LDLRAD4: variants seen among roughly 807,000 people sequenced by gnomAD.
LDLRAD4 encodes low-density lipoprotein receptor class A domain-containing protein 4.
LDLRAD4 carries 5 observed loss-of-function variants against 17.0 expected under a neutral mutation model. The observed-to-expected ratio is 0.29, with a 90% CI of 0.15 to 0.62. The LOEUF is 0.62. Ranked by LOEUF, LDLRAD4 falls within the 20% of genes least tolerant of loss-of-function variation. LDLRAD4 has a pLI of 0.84. For missense variants in LDLRAD4, 340 were observed against 424.7 expected, an observed-to-expected ratio of 0.80 and a Z score of 1.75; for synonymous variants, 168 against 171.8, an observed-to-expected ratio of 0.98 and a Z score of 0.17.
chr18:13,226,180 C>CTTTTTTTTTTTTTTTTTTTTTTTTTTT (rs71174166), intron 1 of LDLRAD4, among the ~76,000 whole-genome samples: 2 of 52,208 alleles, frequency 3.8e-5, no homozygotes, highest in Non-Finnish European at 3.3e-5. Context: ...CCATGCCTTG[C>CTTTTTTTTTTTTTTTTTTTTTTTTTTT]TTTTTTTTTT....
At chr18:13,590,643 C>G (rs539084064) in intron 3 of LDLRAD4, among the ~76,000 whole-genome samples, 3 of 152,304 alleles carry the variant, frequency 2.0e-5, no homozygotes, top group African/African-American at 7.2e-5. Context: ...TTCTGGCTGA[C>G]AAGGCTACAT....
intron 3 of LDLRAD4, among the ~76,000 whole-genome samples, chr18:13,616,778 AG>A (rs1283710484): frequency 6.6e-6 from 1 of 152,174 alleles, no homozygotes; most frequent in Non-Finnish European, 1.5e-5. Context: ...AGGCCTCATC[AG>A]GCTGCCGCCA....
chr18:13,307,163 A>G (rs575039252), intron 1 of LDLRAD4, among the ~76,000 whole-genome samples: 3 of 152,206 alleles, frequency 2.0e-5, no homozygotes, highest in Non-Finnish European at 4.4e-5. Flanking sequence ...TGAAAAAGCA[A>G]AAAAGGCAGA....
At chr18:13,641,534 T>C (rs2042558143) in intron 4 of LDLRAD4, among the ~76,000 whole-genome samples, 1 of 152,256 alleles carries the variant, frequency 6.6e-6, no homozygotes, top group African/African-American at 2.4e-5. Flanking sequence ...AGGTGCCGCC[T>C]AGGGCAGCGG....
intron 3 of LDLRAD4, among the ~76,000 whole-genome samples, chr18:13,477,353 A>T (rs1317352983): frequency 1.3e-5 from 2 of 152,216 alleles, no homozygotes; most frequent in African/African-American, 4.8e-5. Context: ...CCGAGAAAGC[A>T]TCCAGCAGCA....
At chr18:13,244,216 C>T (rs1306391087) in intron 1 of LDLRAD4, among the ~76,000 whole-genome samples, 1 of 147,330 alleles carries the variant, frequency 6.8e-6, no homozygotes, top group Non-Finnish European at 1.5e-5. Flanking sequence ...TCCACCTACC[C>T]ATCCATTAAT....
In LDLRAD4 at chr18:13,434,575, T is replaced by C. The variant is rs116846525; in HGVS notation, c.41-3669T>C. Among the ~76,000 whole-genome samples, 127 of 152,308 alleles carry C rather than the reference T, an allele frequency of 8.3e-4. No homozygotes were observed. In the East Asian group the frequency reaches 0.012, roughly 14 times the overall value. ...AATAGACAACATATTTTTAAAAATT[T>C]TCCATTGTCTTTCTCTGACTTGAGT... On this transcript the variant is annotated intron_variant, in intron 2 of 5. Coordinates refer to ENST00000359446, the Ensembl canonical transcript of LDLRAD4.
At chr18:13,423,449 C>A (rs774373827) in intron 2 of LDLRAD4, 2 of 151,656 alleles carry the variant, frequency 1.3e-5, no homozygotes, top group African/African-American at 4.9e-5. Context: ...ACCAAGATTG[C>A]GCCATTGCAC....
chr18:13,395,079 C>T (rs73421368), intron 2 of LDLRAD4, among the ~76,000 whole-genome samples: 4,871 of 152,214 alleles, frequency 0.032, 263 homozygotes, highest in African/African-American at 0.11. Context: ...GCCCCGGTCA[C>T]GCCCCAGTTC....
intron 3 of LDLRAD4, among the ~76,000 whole-genome samples, chr18:13,477,794 T>A (rs777046573): frequency 5.9e-5 from 9 of 152,332 alleles, no homozygotes; most frequent in South Asian, 2.1e-4. Context: ...AAGAGGCGTC[T>A]GATGCAGGCC....
At chr18:13,338,417 C>T (rs1248511751) in intron 1 of LDLRAD4, among the ~76,000 whole-genome samples, 1 of 151,592 alleles carries the variant, frequency 6.6e-6, no homozygotes, top group East Asian at 1.9e-4. Context: ...GATCCGAAAA[C>T]AGTTCCTGCT....
At chr18:13,313,588 C>A (rs1044411851) in intron 1 of LDLRAD4, among the ~76,000 whole-genome samples, 1 of 152,252 alleles carries the variant, frequency 6.6e-6, no homozygotes, top group African/African-American at 2.4e-5. Context: ...CCGCCACCGT[C>A]CCCCGCACGG....
intron 1 of LDLRAD4, among the ~76,000 whole-genome samples, chr18:13,283,668 A>AACT (rs2045425322): frequency 6.6e-6 from 1 of 152,226 alleles, no homozygotes; most frequent in African/African-American, 2.4e-5. Context: ...TCTTCTTCTG[A>AACT]GCCCTTCAAA....
chr18:13,275,947 G>C (rs1232172937), upstream of LDLRAD4, among the ~76,000 whole-genome samples: 1 of 152,194 alleles, frequency 6.6e-6, no homozygotes, highest in African/African-American at 2.4e-5. Flanking sequence ...AGATGTGTAT[G>C]CGTTTAGTAT....
At chr18:13,577,113 T>C (rs4797786) in intron 3 of LDLRAD4, among the ~76,000 whole-genome samples, 25,564 of 152,046 alleles carry the variant, frequency 0.17, 2,404 homozygotes, top group Admixed American at 0.27. Context: ...TGCATGAGGC[T>C]AGTTTTGTAT....
At chr18:13,608,206 C>A (rs996045369) in intron 3 of LDLRAD4, among the ~76,000 whole-genome samples, 1 of 151,052 alleles carries the variant, frequency 6.6e-6, no homozygotes, top group African/African-American at 2.4e-5. Context: ...AAATGCAAAT[C>A]AAAACCACAA....
intron 1 of LDLRAD4, among the ~76,000 whole-genome samples, chr18:13,338,915 T>C (rs895448409): frequency 5.9e-5 from 9 of 152,210 alleles, no homozygotes; most frequent in African/African-American, 2.2e-4. Context: ...AGCTGTTATT[T>C]TTTTGCTTAG....
intron 1 of LDLRAD4, among the ~76,000 whole-genome samples, chr18:13,355,872 C>T (rs1303025267): frequency 6.6e-6 from 1 of 152,156 alleles, no homozygotes; most frequent in Non-Finnish European, 1.5e-5. Flanking sequence ...CTCAAGTGAT[C>T]CTCCCACCCT....
intron 2 of LDLRAD4, among the ~76,000 whole-genome samples, chr18:13,400,463 G>T (rs1161417043): frequency 1.3e-5 from 2 of 152,234 alleles, no homozygotes; most frequent in African/African-American, 4.8e-5. Context: ...GGACTGGGCT[G>T]CTGGGTGTGG....
Sources: gnomAD v4.1 joint callset for allele counts (sites outside exome capture counted in the v4.1 genomes callset) on GRCh38, gnomAD v4.1.1 for gene constraint, MANE v1.5 for transcripts, NCBI Gene and HGNC (gene_info 2026-07-23, HGNC 2026-07-21) for gene names.